The following ERP44 variants were observed in gnomAD, a reference collection of about 807,000 sequenced individuals.
The protein encoded by ERP44 is endoplasmic reticulum resident protein 44.
A neutral mutation model predicts 53.4 loss-of-function variants in ERP44; 25 were observed. That is an observed-to-expected ratio of 0.47 (90% CI 0.34 to 0.65). ERP44 has a LOEUF of 0.65. Ranked by LOEUF, ERP44 falls within the 30% of genes least tolerant of loss-of-function variation. The probability of loss-of-function intolerance (pLI) is 0.01; values close to 1 mark genes in which losing one functional copy is unlikely to be tolerated. For missense variants in ERP44, 338 were observed against 493.2 expected (o/e 0.69, Z 2.98); for synonymous variants, 145 against 161.2 (o/e 0.90, Z 0.76).
chr9:100,000,082 T>C (rs766946602), intron 10 of ERP44, among the ~76,000 whole-genome samples: 6 of 152,244 alleles, frequency 3.9e-5, no homozygotes, highest in Non-Finnish European at 8.8e-5. Flanking sequence ...TCAAGGATAT[T>C]ACCCTGTAAT....
At chr9:100,046,756 T>C (rs1261487738) in intron 4 of ERP44, among the ~76,000 whole-genome samples, 2 of 152,142 alleles carry the variant, frequency 1.3e-5, no homozygotes, top group African/African-American at 4.8e-5. Flanking sequence ...TATGTTGTCA[T>C]TAAAAATTAA....
At chr9:100,072,695 T>C (rs1423503924) in intron 1 of ERP44, among the ~76,000 whole-genome samples, 1 of 152,132 alleles carries the variant, frequency 6.6e-6, no homozygotes, top group Non-Finnish European at 1.5e-5. Flanking sequence ...GCTAATTTTT[T>C]GTTTTTAGTA....
At chr9:100,022,629 C>T (rs943522047) in intron 4 of ERP44, among the ~76,000 whole-genome samples, 7 of 151,984 alleles carry the variant, frequency 4.6e-5, no homozygotes, top group African/African-American at 9.7e-5. Context: ...TTATGGGGTT[C>T]GACAGACATT....
intron 5 of ERP44, among the ~76,000 whole-genome samples, chr9:100,021,588 A>T (rs2118655390): frequency 6.6e-6 from 1 of 152,294 alleles, no homozygotes; most frequent in African/African-American, 2.4e-5. Flanking sequence ...GTTGTTTGTT[A>T]TCTTTAAAAC....
intron 1 of ERP44, among the ~76,000 whole-genome samples, chr9:100,093,651 GAAAAA>G (rs34247708): frequency 2.7e-5 from 4 of 150,834 alleles, no homozygotes; most frequent in South Asian, 2.1e-4. Flanking sequence ...TGTGGGGGGG[GAAAAA>G]AAAAGAACTG....
intron 1 of ERP44, among the ~76,000 whole-genome samples, chr9:100,066,845 A>G (rs1826215871): frequency 1.3e-5 from 2 of 152,212 alleles, no homozygotes. Context: ...TGAGGCTGAC[A>G]GGAACTATAA....
chr9:100,021,003 A>T (rs1419368653), intron 5 of ERP44, among the ~76,000 whole-genome samples: 2 of 152,242 alleles, frequency 1.3e-5, no homozygotes, highest in Non-Finnish European at 2.9e-5. Flanking sequence ...GATCAGTGAC[A>T]ATCTTTTCCT....
chr9:100,085,293 A>G (rs979709078), intron 1 of ERP44, among the ~76,000 whole-genome samples: 1 of 152,202 alleles, frequency 6.6e-6, no homozygotes, highest in African/African-American at 2.4e-5. Flanking sequence ...AGACCATATA[A>G]TGAACTTTTC....
chr9:100,087,858 G>A (rs1370674473), intron 1 of ERP44, among the ~76,000 whole-genome samples: 3 of 152,194 alleles, frequency 2.0e-5, no homozygotes, highest in South Asian at 2.1e-4. Context: ...GAATAAAACC[G>A]AAAGGAAATA....
chr9:100,082,005 C>A (rs575857772), intron 1 of ERP44, among the ~76,000 whole-genome samples: 1 of 151,792 alleles, frequency 6.6e-6, no homozygotes, highest in South Asian at 2.1e-4. Context: ...CATACACACA[C>A]ACAAAACAAC....
chr9:100,027,174 A>G (rs1830661994), intron 4 of ERP44, among the ~76,000 whole-genome samples: 1 of 152,256 alleles, frequency 6.6e-6, no homozygotes, highest in Non-Finnish European at 1.5e-5. Flanking sequence ...AGTAGTAGAG[A>G]ACCAGGGAGA....
chr9:99,989,935 T>A (rs536849285), intron 10 of ERP44, among the ~76,000 whole-genome samples: 6 of 151,966 alleles, frequency 3.9e-5, no homozygotes, highest in Non-Finnish European at 7.4e-5. Context: ...TGATTGAAGA[T>A]CAAATGAATG....
At chr9:100,088,602 C>T (rs1203214998) in intron 1 of ERP44, among the ~76,000 whole-genome samples, 1 of 152,166 alleles carries the variant, frequency 6.6e-6, no homozygotes, top group Non-Finnish European at 1.5e-5. Flanking sequence ...AAACTGAGAT[C>T]TAAGAATGAG....
At chr9:100,081,278 A>G (rs1358190065) in intron 1 of ERP44, among the ~76,000 whole-genome samples, 3 of 152,164 alleles carry the variant, frequency 2.0e-5, no homozygotes, top group African/African-American at 7.2e-5. Context: ...GGGGATACCC[A>G]TCTTTAGTTA....
At chr9:99,988,746 C>T (rs906364025) in intron 10 of ERP44, among the ~76,000 whole-genome samples, 1 of 152,166 alleles carries the variant, frequency 6.6e-6, no homozygotes, top group African/African-American at 2.4e-5. Context: ...ACCCAGGAAG[C>T]ACAAGGGATT....
intron 10 of ERP44, chr9:99,998,981 C>A: frequency 2.1e-6 from 3 of 1,395,824 alleles, no homozygotes; most frequent in Non-Finnish European, 3.0e-6. Context: ...GATCTCAGGT[C>A]GGCGGCAAAG....
intron 1 of ERP44, among the ~76,000 whole-genome samples, chr9:100,067,952 G>T (rs1336245179): frequency 2.6e-5 from 4 of 151,072 alleles, no homozygotes; most frequent in African/African-American, 9.8e-5. Context: ...GAGCGTCTCC[G>T]CCCGGCAGCC....
intron 4 of ERP44, among the ~76,000 whole-genome samples, chr9:100,025,102 T>A (rs1830638859): frequency 1.3e-5 from 2 of 152,226 alleles, no homozygotes; most frequent in South Asian, 4.1e-4. Context: ...TCTCAAAAAA[T>A]AATCCTACAA....
At position 100,016,536 on chromosome 9, in the gene ERP44, C is replaced by T. The variant is rs903657676; in HGVS notation, c.646-98G>A. 10 of 1,411,984 alleles carry T rather than the reference C, an allele frequency of 7.1e-6. No homozygotes were observed. The Admixed American group carries it at 2.3e-4, about 33-fold the overall frequency. The allele number at this position is 1,411,984 out of a possible 1,614,324, so 87.5% of individuals were successfully genotyped here. A position where few individuals can be genotyped will look rare whatever the true frequency, so the allele number is the denominator to read the frequency against. ...ATATTTTTTAAAGCAAGGTCTCACT[C>T]TGTCACCCAGGCTGGAGTACAGTGA... On this transcript the variant is annotated intron_variant, in intron 7 of 11. Transcript: ENST00000262455.
Sources: gnomAD v4.1 joint callset for allele counts (sites outside exome capture counted in the v4.1 genomes callset) on GRCh38, gnomAD v4.1.1 for gene constraint, MANE v1.5 for transcripts, NCBI Gene and HGNC (gene_info 2026-07-23, HGNC 2026-07-21) for gene names.